Variants in RUBCN observed in about 807,000 individuals in gnomAD.
RUBCN encodes run domain Beclin-1-interacting and cysteine-rich domain-containing protein.
RUBCN carries 74 observed loss-of-function variants against 113.2 expected under a neutral mutation model. The ratio of observed to expected loss-of-function variants is 0.65; its 90% CI spans 0.54 to 0.79. The LOEUF is 0.79. Among genes scored for constraint, RUBCN ranks in the 30% least tolerant of loss-of-function variants. RUBCN has a pLI of 0.00. For synonymous variants in RUBCN, 480 were observed against 490.0 expected, an observed-to-expected ratio of 0.98 and a Z score of 0.27; for missense variants, 1,109 against 1,251.7, an observed-to-expected ratio of 0.89 and a Z score of 1.72.
intron 1 of RUBCN, among the ~76,000 whole-genome samples, chr3:197,731,743 C>T (rs1363454041): frequency 2.7e-5 from 4 of 149,294 alleles, no homozygotes; most frequent in South Asian, 2.2e-4. Flanking sequence ...ACTGGCCGGG[C>T]GGGGGGCTGA....
intron 1 of RUBCN, among the ~76,000 whole-genome samples, chr3:197,732,360 C>A (rs1252934683): frequency 6.6e-6 from 1 of 152,252 alleles, no homozygotes; most frequent in Non-Finnish European, 1.5e-5. Context: ...GTCTCCCAGG[C>A]TGGAGTGCAG....
chr3:197,669,125 G>A lies in RUBCN; in HGVS notation c.*5893C>T, dbSNP rs898558024. Among the ~76,000 whole-genome samples the A allele has an allele frequency of 2.6e-5, 4 of 152,082 alleles. No homozygotes were observed. The highest frequency in any genetic ancestry group is 1.3e-4 in the Admixed American group (2 of 15,260). The stretch of plus-strand genomic sequence containing the variant: ...AAAGTTGCAAAGATAGTACAAATTC[G>A]TCACATAGCCCTCACCCGATTTCAG... On this transcript the variant is annotated 3_prime_UTR_variant, in exon 20 of 20. Coordinates refer to ENST00000296343, the MANE Select transcript of RUBCN (RefSeq NM_014687.4).
chr3:197,698,829 CAAAAAAAA>C (rs113975138), intron 7 of RUBCN, among the ~76,000 whole-genome samples: 1 of 31,114 alleles, frequency 3.2e-5, no homozygotes, highest in Non-Finnish European at 7.2e-5. Flanking sequence ...CCTGTCTCTA[CAAAAAAAA>C]AAAAAAAAAA....
chr3:197,692,997 G>A (rs949898716), intron 11 of RUBCN, among the ~76,000 whole-genome samples: 6 of 152,180 alleles, frequency 3.9e-5, no homozygotes, highest in African/African-American at 1.4e-4. Flanking sequence ...CTTCAGTAAG[G>A]AAACTACTCT....
rs376687860 is a variant in RUBCN at position 197,703,682 on chromosome 3, T to C, written c.464-28A>G. ...GGGGAGAGAAAAGCTGCCACAGTGA[T>C]AGAGCCCATCAGGGAGGCCTTGAGA... is the stretch of plus-strand genomic sequence containing the variant. On this transcript the variant is annotated intron_variant, in intron 4 of 19. Transcript: ENST00000296343. 4.3e-5 allele frequency: 63 copies of C among 1,476,020 alleles called. No homozygotes were observed. In the African/African-American group the frequency reaches 7.9e-4, roughly 18 times the overall value. 91.4% of individuals were successfully genotyped at this position (1,476,020 alleles called of 1,614,324 possible).
chr3:197,716,288 C>T (rs1359523884), intron 2 of RUBCN, among the ~76,000 whole-genome samples: 1 of 152,136 alleles, frequency 6.6e-6, no homozygotes, highest in Non-Finnish European at 1.5e-5. Context: ...CCACCACGCC[C>T]GGCTAATTTT....
intron 17 of RUBCN, 27 bp downstream of exon 17, chr3:197,677,453 G>C (rs977127019): frequency 1.1e-5 from 18 of 1,602,104 alleles, no homozygotes; most frequent in Non-Finnish European, 1.5e-5. Flanking sequence ...AACGTGGCCA[G>C]AGGGCTCTAG....
intron 1 of RUBCN, among the ~76,000 whole-genome samples, chr3:197,718,982 CTTT>C (rs1725841351): frequency 6.6e-6 from 1 of 152,218 alleles, no homozygotes; most frequent in African/African-American, 2.4e-5. Context: ...GGACTGCCAA[CTTT>C]TGCCCAGTGA....
intron 1 of RUBCN, among the ~76,000 whole-genome samples, chr3:197,733,909 A>C (rs1051211386): frequency 2.6e-5 from 4 of 152,188 alleles, no homozygotes; most frequent in African/African-American, 9.7e-5. Context: ...ACTATCTTAT[A>C]CTTCCGTTGT....
intron 1 of RUBCN, among the ~76,000 whole-genome samples, chr3:197,730,888 T>C (rs1229936794): frequency 9.0e-6 from 1 of 110,710 alleles, no homozygotes; most frequent in African/African-American, 4.1e-5. Flanking sequence ...AAAGCATCTT[T>C]TTTTTTTTTT....
rs996080409 is a variant in RUBCN, at chr3:197,677,479, C to T, written c.2492+1G>A. On this transcript the variant is annotated splice_donor_variant, in intron 17 of 19. Coordinates refer to ENST00000296343, the MANE Select transcript of RUBCN (RefSeq NM_014687.4). LOFTEE classifies it high-confidence loss of function. ...AGGGCTCTAGCTCCAAAAGGACTTA[C>T]TCCTTGGCCAGTCGGCAAGTCTTGA... is the stretch of plus-strand genomic sequence containing the variant. 1 of 1,613,720 alleles carries T rather than the reference C, an allele frequency of 6.2e-7. No individual in the cohort carries two copies. The highest frequency in any genetic ancestry group is 8.5e-7 in the Non-Finnish European group (1 of 1,179,694).
chr3:197,675,658 A>G lies in RUBCN; in HGVS notation c.2647-143T>C. ...CCTGGGCTGGACTCAGAAGCATGAAAGCTAAACTAGGACCAGGGCCGGGCA... is the reference window on the plus strand; with the variant it reads ...CCTGGGCTGGACTCAGAAGCATGAAGGCTAAACTAGGACCAGGGCCGGGCA... On this transcript the variant is annotated intron_variant, in intron 18 of 19. Coordinates refer to ENST00000296343, the MANE Select transcript of RUBCN (RefSeq NM_014687.4). This position sits in a 1 kb window ranked among gnomAD's most constrained non-coding sequence, Gnocchi z 4.4. 1 of 705,416 alleles carries G rather than the reference A, an allele frequency of 1.4e-6. No homozygotes were observed. The highest frequency in any genetic ancestry group is 2.6e-6 in the Non-Finnish European group (1 of 391,658). 43.7% of individuals were successfully genotyped at this position (705,416 alleles called of 1,614,324 possible).
upstream of RUBCN, among the ~76,000 whole-genome samples, chr3:197,739,565 G>A (rs562962977): frequency 3.2e-3 from 483 of 149,332 alleles, 3 homozygotes; most frequent in South Asian, 0.014. Context: ...GCGTGGTGGC[G>A]GGCGCCTGTA....
intron 6 of RUBCN, 92 bp downstream of exon 6, chr3:197,701,616 C>T: frequency 8.4e-7 from 1 of 1,195,502 alleles, no homozygotes; most frequent in Non-Finnish European, 1.2e-6. Flanking sequence ...CAACCCAAGT[C>T]TCAATTTTCC....
intron 2 of RUBCN, among the ~76,000 whole-genome samples, chr3:197,710,780 A>T (rs1410924366): frequency 6.6e-6 from 1 of 152,110 alleles, no homozygotes; most frequent in Non-Finnish European, 1.5e-5. Flanking sequence ...AAATTCAATG[A>T]CACTTATAAT....
rs538615695 is a variant in RUBCN, at chr3:197,696,230, G to C, written c.1358-249C>G. ...CTACTAAAAATACAAAAATTAGCTG[G>C]GCATGGTGGCACATGCCTGTAATCC... On this transcript the variant is annotated intron_variant, in intron 8 of 19. Transcript: ENST00000296343. Among the ~76,000 whole-genome samples, 19 of 152,112 alleles carry C rather than the reference G, an allele frequency of 1.2e-4. No individual in the cohort carries two copies. In the East Asian group the frequency reaches 3.5e-3, roughly 28 times the overall value.
intron 1 of RUBCN, among the ~76,000 whole-genome samples, chr3:197,722,973 G>A (rs1209002986): frequency 1.3e-5 from 2 of 151,934 alleles, no homozygotes; most frequent in African/African-American, 2.4e-5. Flanking sequence ...GGTAATTATC[G>A]ATAAGTAAGG....
At chr3:197,684,510 G>A (rs79758218) in intron 11 of RUBCN, among the ~76,000 whole-genome samples, 1,775 of 152,098 alleles carry the variant, frequency 0.012, 31 homozygotes, top group Middle Eastern at 0.034. Context: ...ATGAGAAGAC[G>A]AGCATCCTAA....
chr3:197,682,521 T>A lies in RUBCN; in HGVS notation c.2075A>T (p.Glu692Val), dbSNP rs201343662. 1,615 of 1,614,102 alleles carry A rather than the reference T, an allele frequency of 1.0e-3. 2 individuals carry two copies. The highest frequency in any genetic ancestry group is 1.3e-3 in the Non-Finnish European group (1,483 of 1,180,028). Reference sequence around the variant, plus strand: ...TATCTGAGGCCGGGGCGGGGCCCACTCCAAGTTGCCACGAACACGAATCCG... The same window carrying A: ...TATCTGAGGCCGGGGCGGGGCCCACACCAAGTTGCCACGAACACGAATCCG... The part of the protein sequence containing the change: ...KLRIRVRGNL[E>V]WAPPRPQIIF... Residue 692 changes from glutamate to valine, a missense_variant, in exon 14 of 20, where the codon GAG becomes GTG. Around this residue, in one of 3 missense-constraint regions of RUBCN, gnomAD observed 67 missense variants for 123.2 expected, o/e 0.54. Transcript: ENST00000296343.
Sources: allele counts gnomAD v4.1 joint callset (sites outside exome capture counted in the v4.1 genomes callset), GRCh38; gene constraint gnomAD v4.1.1; regional missense constraint gnomAD v4.1.1; non-coding constraint Gnocchi (gnomAD v3.1); transcripts MANE v1.5; gene names NCBI Gene and HGNC (gene_info 2026-07-23, HGNC 2026-07-21).